KCNMB2: variants seen among roughly 807,000 people sequenced by gnomAD.
KCNMB2 encodes the protein potassium calcium-activated channel subfamily M regulatory beta subunit 2.
In KCNMB2, 9 loss-of-function variants were observed where a neutral mutation model predicts 24.5. That is an observed-to-expected ratio of 0.37 (90% CI 0.22 to 0.64). The LOEUF (loss-of-function observed/expected upper bound fraction) is 0.64. KCNMB2 is among the 30% of genes least tolerant of loss of function. KCNMB2 has a pLI of 0.63. For synonymous variants in KCNMB2, 109 were observed against 104.4 expected (o/e 1.04, Z -0.27); for missense variants, 226 against 284.3 (o/e 0.79, Z 1.47).
At chr3:178,781,804 T>G (rs1488701476) in intron 1 of KCNMB2, among the ~76,000 whole-genome samples, 1 of 151,540 alleles carries the variant, frequency 6.6e-6, no homozygotes. Context: ...TCTTTTTTTA[T>G]TATACTTTAA....
intron 4 of KCNMB2, among the ~76,000 whole-genome samples, chr3:178,834,561 A>G (rs969717957): frequency 6.6e-6 from 1 of 152,206 alleles, no homozygotes; most frequent in Non-Finnish European, 1.5e-5. Flanking sequence ...TCTGTGATCC[A>G]TAGGTAAGAT....
At chr3:178,586,779 G>A (rs1466824746) in intron 1 of KCNMB2, among the ~76,000 whole-genome samples, 7 of 151,676 alleles carry the variant, frequency 4.6e-5, no homozygotes, top group African/African-American at 1.2e-4. Context: ...TCCTGACCTC[G>A]GGTGATCTGC....
intron 1 of KCNMB2, among the ~76,000 whole-genome samples, chr3:178,762,253 C>T (rs1401953828): frequency 6.6e-6 from 1 of 152,094 alleles, no homozygotes; most frequent in Non-Finnish European, 1.5e-5. Flanking sequence ...TGTGGCCACA[C>T]AAAGCATTCC....
At chr3:178,586,877 G>A (rs184841044) in intron 1 of KCNMB2, among the ~76,000 whole-genome samples, 3 of 151,834 alleles carry the variant, frequency 2.0e-5, no homozygotes, top group South Asian at 2.1e-4. Context: ...GTGGTTTCTC[G>A]GTTTGATGTC....
intron 4 of KCNMB2, among the ~76,000 whole-genome samples, chr3:178,840,600 T>G (rs956432330): frequency 8.5e-5 from 13 of 152,226 alleles, no homozygotes; most frequent in African/African-American, 2.7e-4. Context: ...AAACCTTAAC[T>G]CTTTTGCACA....
At chr3:178,541,587 A>G (rs1715621553) in intron 1 of KCNMB2, among the ~76,000 whole-genome samples, 1 of 152,228 alleles carries the variant, frequency 6.6e-6, no homozygotes, top group Non-Finnish European at 1.5e-5. Flanking sequence ...ATATAATAGA[A>G]TAATCTTATT....
At chr3:178,561,622 G>A (rs1418721664) in intron 1 of KCNMB2, among the ~76,000 whole-genome samples, 1 of 152,178 alleles carries the variant, frequency 6.6e-6, no homozygotes, top group African/African-American at 2.4e-5. Flanking sequence ...AGATTCCAAT[G>A]TTAGCGTAGT....
intron 1 of KCNMB2, among the ~76,000 whole-genome samples, chr3:178,691,105 G>GTATTTTTTTTTTTTTTTTTTTTT (rs1310077931): frequency 3.0e-5 from 1 of 32,968 alleles, no homozygotes. Flanking sequence ...TCCCCATTAA[G>GTATTTTTTTTTTTTTTTTTTTTT]TCTTTTTTTT....
chr3:178,538,705 C>T (rs1000540264), intron 1 of KCNMB2, among the ~76,000 whole-genome samples: 1 of 151,986 alleles, frequency 6.6e-6, no homozygotes, highest in African/African-American at 2.4e-5. Flanking sequence ...AAAAAGTTTC[C>T]GTATTCTTGA....
chr3:178,688,806 A>G (rs1262617915), intron 1 of KCNMB2, among the ~76,000 whole-genome samples: 2 of 152,194 alleles, frequency 1.3e-5, no homozygotes, highest in Non-Finnish European at 2.9e-5. Context: ...GTTATTGAAC[A>G]TGAGGCAAAG....
intron 1 of KCNMB2, among the ~76,000 whole-genome samples, chr3:178,716,442 T>C (rs975007241): frequency 2.5e-5 from 1 of 39,292 alleles, no homozygotes; most frequent in Non-Finnish European, 5.1e-5. Flanking sequence ...AAAACCTGCA[T>C]TTTTTTTTTT....
chr3:178,681,239 G>A (rs919582752), intron 1 of KCNMB2, among the ~76,000 whole-genome samples: 3 of 147,934 alleles, frequency 2.0e-5, no homozygotes, highest in Non-Finnish European at 4.5e-5. Context: ...ACTGAAACCT[G>A]GAGCTGCAGT....
intron 1 of KCNMB2, among the ~76,000 whole-genome samples, chr3:178,717,663 T>C (rs1722662059): frequency 6.6e-6 from 1 of 152,208 alleles, no homozygotes; most frequent in Non-Finnish European, 1.5e-5. Context: ...TAATTCCTTA[T>C]GTAGCCCTTT....
At chr3:178,711,484 A>G (rs965803194) in intron 1 of KCNMB2, among the ~76,000 whole-genome samples, 6 of 152,124 alleles carry the variant, frequency 3.9e-5, no homozygotes, top group African/African-American at 1.4e-4. Context: ...ACCAAGACAG[A>G]TTTCTACCTA....
chr3:178,608,283 C>T (rs1396410689), intron 1 of KCNMB2, among the ~76,000 whole-genome samples: 1 of 152,190 alleles, frequency 6.6e-6, no homozygotes, highest in African/African-American at 2.4e-5. Context: ...TCATTTATTC[C>T]TGCAGGACAT....
intron 1 of KCNMB2, among the ~76,000 whole-genome samples, chr3:178,800,779 T>C (rs1053300728): frequency 6.6e-6 from 1 of 152,172 alleles, no homozygotes; most frequent in African/African-American, 2.4e-5. Context: ...GCAACTTAAG[T>C]GTCCATCAAC....
chr3:178,614,322 T>C (rs1365536743), intron 1 of KCNMB2, among the ~76,000 whole-genome samples: 1 of 129,702 alleles, frequency 7.7e-6, no homozygotes, highest in Non-Finnish European at 1.6e-5. Flanking sequence ...TATGTGTATA[T>C]ATATATGTAT....
At chr3:178,721,335 T>C (rs1011635156) in intron 1 of KCNMB2, among the ~76,000 whole-genome samples, 2 of 152,210 alleles carry the variant, frequency 1.3e-5, no homozygotes, top group African/African-American at 2.4e-5. Context: ...TTGATCTGTA[T>C]CTCTGTTTTG....
At chr3:178,791,020 G>C (rs978155476) in intron 1 of KCNMB2, among the ~76,000 whole-genome samples, 6 of 152,176 alleles carry the variant, frequency 3.9e-5, no homozygotes, top group African/African-American at 1.4e-4. Flanking sequence ...AACTACTCCA[G>C]ACTGCAAAAA....
Sources: allele counts gnomAD v4.1 joint callset (sites outside exome capture counted in the v4.1 genomes callset), GRCh38; gene constraint gnomAD v4.1.1; transcripts MANE v1.5; gene names NCBI Gene and HGNC (gene_info 2026-07-23, HGNC 2026-07-21).